Variants in ZMAT4 observed in about 807,000 individuals in gnomAD.
ZMAT4 encodes zinc finger matrin-type 4.
ZMAT4 carries 17 observed loss-of-function variants against 28.7 expected under a neutral mutation model. The observed-to-expected ratio is 0.59, with a 90% CI of 0.41 to 0.89. The LOEUF is 0.89. Ranked by LOEUF, ZMAT4 falls within the 40% of genes least tolerant of loss-of-function variation. The pLI, the probability that ZMAT4 is intolerant of heterozygous loss-of-function variation, is 0.00. For synonymous variants in ZMAT4, 117 were observed against 109.2 expected, an observed-to-expected ratio of 1.07 and a Z score of -0.44; for missense variants, 240 against 283.8, an observed-to-expected ratio of 0.85 and a Z score of 1.11.
chr8:40,871,847 A>C (rs1323071341), intron 1 of ZMAT4, among the ~76,000 whole-genome samples: 1 of 152,228 alleles, frequency 6.6e-6, no homozygotes, highest in Non-Finnish European at 1.5e-5. Flanking sequence ...CGCTCTCAGG[A>C]AAGGATTTGA....
intron 1 of ZMAT4, among the ~76,000 whole-genome samples, chr8:40,828,675 T>C (rs942342928): frequency 3.3e-5 from 5 of 152,276 alleles, no homozygotes; most frequent in African/African-American, 4.8e-5. Flanking sequence ...CCCTCTGAAA[T>C]CGATGACACC....
intron 5 of ZMAT4, among the ~76,000 whole-genome samples, chr8:40,618,190 A>G (rs538779226): frequency 2.6e-5 from 4 of 152,314 alleles, no homozygotes; most frequent in Admixed American, 6.5e-5. Flanking sequence ...CAGACTCAAT[A>G]TTTAGAGGAA....
At chr8:40,654,019 C>A (rs1045314200) in intron 5 of ZMAT4, among the ~76,000 whole-genome samples, 4 of 152,168 alleles carry the variant, frequency 2.6e-5, no homozygotes, top group African/African-American at 7.2e-5. Context: ...CCACCAGAAC[C>A]AAATTCAAAT....
At chr8:40,725,562 C>T (rs1220231140) in intron 3 of ZMAT4, among the ~76,000 whole-genome samples, 6 of 152,142 alleles carry the variant, frequency 3.9e-5, no homozygotes, top group Admixed American at 6.5e-5. Flanking sequence ...ATGTGCTTTG[C>T]GGATCCTCTG....
At chr8:40,759,364 T>C (rs942817436) in intron 3 of ZMAT4, among the ~76,000 whole-genome samples, 3 of 151,620 alleles carry the variant, frequency 2.0e-5, no homozygotes, top group Non-Finnish European at 4.4e-5. Context: ...TAATCCCCAG[T>C]GCGATCATAT....
At chr8:40,675,526 T>G (rs1387684265) in intron 4 of ZMAT4, among the ~76,000 whole-genome samples, 2 of 152,180 alleles carry the variant, frequency 1.3e-5, no homozygotes, top group African/African-American at 4.8e-5. Flanking sequence ...TTGGATAAAA[T>G]GCAACTAAAT....
chr8:40,765,279 TC>T (rs57956863), intron 3 of ZMAT4, among the ~76,000 whole-genome samples: 24,119 of 152,122 alleles, frequency 0.16, 3,033 homozygotes, highest in East Asian at 0.59. Flanking sequence ...GAAAGTTGAT[TC>T]ATATAATTAC....
chr8:40,653,793 A>G (rs192377065), intron 5 of ZMAT4, among the ~76,000 whole-genome samples: 3 of 152,352 alleles, frequency 2.0e-5, no homozygotes, highest in East Asian at 1.9e-4. Flanking sequence ...ATACAAAAAA[A>G]GAGTCAGACT....
At chr8:40,686,529 G>A (rs952674686) in intron 4 of ZMAT4, among the ~76,000 whole-genome samples, 5 of 152,080 alleles carry the variant, frequency 3.3e-5, no homozygotes, top group African/African-American at 1.2e-4. Context: ...TGCTACTCGG[G>A]AGTCTGAGGT....
chr8:40,738,139 G>T (rs1055241498), intron 3 of ZMAT4, among the ~76,000 whole-genome samples: 1 of 152,192 alleles, frequency 6.6e-6, no homozygotes, highest in African/African-American at 2.4e-5. Context: ...AGGAGGTTCT[G>T]ACTAGAAGTT....
In ZMAT4 at chr8:40,692,115, A is replaced by C. The variant is rs547629873; in HGVS notation, c.349+5130T>G. Among the ~76,000 whole-genome samples the C allele has an allele frequency of 2.6e-5, 4 of 152,324 alleles. No homozygotes were observed. The East Asian group carries it at 7.7e-4, about 29-fold the overall frequency. ...GCTTCCAATTTTTACACATCGAACA[A>C]GTATTAATTAAATACCTACTATGTG... is the stretch of plus-strand genomic sequence containing the variant. On this transcript the variant is annotated intron_variant, in intron 4 of 6. Transcript: ENST00000297737.
intron 5 of ZMAT4, among the ~76,000 whole-genome samples, chr8:40,611,634 C>G (rs1328063707): frequency 6.6e-6 from 1 of 152,172 alleles, no homozygotes; most frequent in Non-Finnish European, 1.5e-5. Context: ...GCCATCGCAC[C>G]CAGCCAGAAA....
intron 5 of ZMAT4, among the ~76,000 whole-genome samples, chr8:40,609,818 T>C (rs1414095350): frequency 6.6e-6 from 1 of 152,150 alleles, no homozygotes; most frequent in African/African-American, 2.4e-5. Context: ...AGTTCTGTTG[T>C]TTACTTAGTT....
intron 2 of ZMAT4, among the ~76,000 whole-genome samples, chr8:40,817,028 C>A (rs564070989): frequency 6.6e-6 from 1 of 152,116 alleles, no homozygotes; most frequent in African/African-American, 2.4e-5. Context: ...AGGGCATAGC[C>A]TTTCCACTTG....
chr8:40,702,394 C>T (rs1356383530), intron 3 of ZMAT4, among the ~76,000 whole-genome samples: 2 of 152,176 alleles, frequency 1.3e-5, no homozygotes, highest in Non-Finnish European at 2.9e-5. Context: ...ATATGAGTTT[C>T]AAACTGGAGG....
chr8:40,702,959 A>C (rs1478203313), intron 3 of ZMAT4, among the ~76,000 whole-genome samples: 1 of 152,204 alleles, frequency 6.6e-6, no homozygotes, highest in Non-Finnish European at 1.5e-5. Flanking sequence ...ATAACAATCG[A>C]TTAAAAAGCA....
At chr8:40,852,937 T>C (rs1420424317) in intron 1 of ZMAT4, among the ~76,000 whole-genome samples, 1 of 152,186 alleles carries the variant, frequency 6.6e-6, no homozygotes, top group East Asian at 1.9e-4. Flanking sequence ...GCTTGAGTGA[T>C]TGAATTTTAT....
At chr8:40,768,204 T>A (rs770249753) in intron 2 of ZMAT4, among the ~76,000 whole-genome samples, 3 of 152,102 alleles carry the variant, frequency 2.0e-5, no homozygotes, top group Non-Finnish European at 2.9e-5. Flanking sequence ...ACTTCATTAA[T>A]AAGCTATCAA....
intron 2 of ZMAT4, among the ~76,000 whole-genome samples, chr8:40,800,320 C>T (rs1386507019): frequency 6.7e-6 from 1 of 149,742 alleles, no homozygotes; most frequent in East Asian, 2.0e-4. Flanking sequence ...CATCTCTATC[C>T]AAAATGGACA....
Sources: allele counts gnomAD v4.1 joint callset (sites outside exome capture counted in the v4.1 genomes callset), GRCh38; gene constraint gnomAD v4.1.1; transcripts MANE v1.5; gene names NCBI Gene and HGNC (gene_info 2026-07-23, HGNC 2026-07-21).